The following LDB2 variants were observed in gnomAD, a reference collection of about 807,000 sequenced individuals.
The protein encoded by LDB2 is LIM domain-binding protein 2.
A neutral mutation model predicts 44.3 loss-of-function variants in LDB2; 12 were observed. The observed-to-expected ratio is 0.27, with a 90% CI of 0.17 to 0.44. The LOEUF is 0.44. Among genes scored for constraint, LDB2 ranks in the 20% least tolerant of loss-of-function variants. The pLI, the probability that LDB2 is intolerant of heterozygous loss-of-function variation, is 1.00. For synonymous variants in LDB2, 164 were observed against 174.8 expected, an observed-to-expected ratio of 0.94 and a Z score of 0.49; for missense variants, 344 against 473.5, an observed-to-expected ratio of 0.73 and a Z score of 2.54.
chr4:16,660,351 A>G (rs970280753), intron 2 of LDB2, among the ~76,000 whole-genome samples: 3 of 152,206 alleles, frequency 2.0e-5, no homozygotes, highest in Admixed American at 6.5e-5. Flanking sequence ...AGGCTCACTG[A>G]AACTCAATGT....
intron 5 of LDB2, among the ~76,000 whole-genome samples, chr4:16,554,542 G>A (rs534448503): frequency 1.4e-4 from 21 of 152,088 alleles, no homozygotes; most frequent in Non-Finnish European, 2.9e-4. Context: ...AATCACCTGG[G>A]AAGCTTTAAA....
At chr4:16,677,064 T>C (rs1746534250) in intron 2 of LDB2, among the ~76,000 whole-genome samples, 1 of 152,158 alleles carries the variant, frequency 6.6e-6, no homozygotes, top group South Asian at 2.1e-4. Flanking sequence ...TTCCCTTAAG[T>C]GGGGAGAGGA....
chr4:16,672,110 G>A (rs979577836), intron 2 of LDB2, among the ~76,000 whole-genome samples: 58 of 152,092 alleles, frequency 3.8e-4, no homozygotes, highest in Non-Finnish European at 2.9e-4. Flanking sequence ...CCTTAAAGAT[G>A]TTTCCTCATT....
chr4:16,677,211 G>T (rs1746572491), intron 2 of LDB2, among the ~76,000 whole-genome samples: 1 of 152,192 alleles, frequency 6.6e-6, no homozygotes, highest in Non-Finnish European at 1.5e-5. Flanking sequence ...ATGGATAACA[G>T]AAGGATGAAC....
chr4:16,772,196 C>G (rs902550321), intron 1 of LDB2, among the ~76,000 whole-genome samples: 2 of 152,184 alleles, frequency 1.3e-5, no homozygotes, highest in Non-Finnish European at 2.9e-5. Flanking sequence ...TTTGGGTCAT[C>G]CAATCTACAG....
At chr4:16,731,133 G>A (rs6813028) in intron 2 of LDB2, among the ~76,000 whole-genome samples, 3,223 of 152,210 alleles carry the variant, frequency 0.021, 107 homozygotes, top group African/African-American at 0.074. Flanking sequence ...AGAAGGAGTC[G>A]ATGACAATGG....
intron 2 of LDB2, among the ~76,000 whole-genome samples, chr4:16,723,841 AG>A (rs1561001871): frequency 2.6e-5 from 4 of 152,084 alleles, no homozygotes; most frequent in South Asian, 4.1e-4. Context: ...ACTGACCTAC[AG>A]TAAGAATCAA....
At chr4:16,728,000 G>A (rs184778378) in intron 2 of LDB2, among the ~76,000 whole-genome samples, 2 of 152,112 alleles carry the variant, frequency 1.3e-5, no homozygotes, top group African/African-American at 2.4e-5. Context: ...AAGGTTTTCC[G>A]ACTCATCTTA....
intron 2 of LDB2, among the ~76,000 whole-genome samples, chr4:16,641,298 C>A (rs1210221214): frequency 6.6e-6 from 1 of 152,010 alleles, no homozygotes; most frequent in African/African-American, 2.4e-5. Flanking sequence ...AGGAAATGAA[C>A]CTATGTGGAA....
chr4:16,556,354 T>G, intron 5 of LDB2, among the ~76,000 whole-genome samples: 1 of 152,224 alleles, frequency 6.6e-6, no homozygotes, highest in East Asian at 1.9e-4. Flanking sequence ...TAGTAAGTAC[T>G]CAATTATTTC....
In LDB2 at chr4:16,840,273, G is replaced by C. The variant is rs111477030; in HGVS notation, c.132+58081C>G. Among the ~76,000 whole-genome samples, 1,119 of 152,318 alleles carry C rather than the reference G, an allele frequency of 7.3e-3. 15 individuals are homozygous for C. Among genetic ancestry groups the C allele is most frequent in the African/African-American group, 0.026 (1,063 of 41,566 alleles). ...TGACACTCATGTTTAGAGAAGTTCA[G>C]ATGAAAATGACTTTGAGTGACAAAT... On this transcript the variant is annotated intron_variant, in intron 1 of 7. Coordinates refer to ENST00000304523, the MANE Select transcript of LDB2 (RefSeq NM_001290.5).
intron 5 of LDB2, among the ~76,000 whole-genome samples, chr4:16,536,125 C>T (rs1416599940): frequency 2.0e-5 from 3 of 152,156 alleles, no homozygotes; most frequent in African/African-American, 7.2e-5. Context: ...ACAGGATGGT[C>T]GGCCCTCTCC....
Position 16,511,963 on chromosome 4 carries a change from T to TGAA in LDB2, c.739+15_739+17dup, listed in dbSNP as rs1256675045. 1.2e-6 allele frequency: 2 copies of TGAA among 1,605,904 alleles called. No individual in the cohort carries two copies. The highest frequency in any genetic ancestry group is 4.5e-5 in the East Asian group (2 of 44,736). The stretch of plus-strand genomic sequence containing the variant: ...TCTGAAAACGTGTTTAGAGAGAGAG[T>TGAA]GAAGAATGAGGGTGTACCTGGCGGA... On this transcript the variant is annotated intron_variant, in intron 6 of 7. Transcript: ENST00000304523.
intron 2 of LDB2, among the ~76,000 whole-genome samples, chr4:16,608,656 G>C (rs570276778): frequency 6.6e-6 from 1 of 152,162 alleles, no homozygotes; most frequent in Non-Finnish European, 1.5e-5. Flanking sequence ...CATAACAAGC[G>C]CACCGGACTT....
intron 2 of LDB2, among the ~76,000 whole-genome samples, chr4:16,644,788 T>C (rs1162364443): frequency 6.6e-6 from 1 of 152,154 alleles, no homozygotes; most frequent in African/African-American, 2.4e-5. Flanking sequence ...AATTTCACAT[T>C]TTAGCTTCCA....
intron 2 of LDB2, among the ~76,000 whole-genome samples, chr4:16,661,064 C>A (rs1257864592): frequency 6.6e-6 from 1 of 152,158 alleles, no homozygotes; most frequent in African/African-American, 2.4e-5. Flanking sequence ...TCTTTCCAAT[C>A]GTTTTTCTAA....
intron 1 of LDB2, among the ~76,000 whole-genome samples, chr4:16,821,412 C>A (rs923798713): frequency 2.8e-5 from 4 of 145,044 alleles, no homozygotes; most frequent in Non-Finnish European, 6.0e-5. Flanking sequence ...GAGACGGAGT[C>A]TCGCTCTGTC....
At chr4:16,819,683 G>A (rs961945616) in intron 1 of LDB2, among the ~76,000 whole-genome samples, 2 of 152,006 alleles carry the variant, frequency 1.3e-5, no homozygotes, top group Non-Finnish European at 2.9e-5. Flanking sequence ...TAAAACACAA[G>A]TGTGAGCAAT....
chr4:16,792,623 G>A (rs1253150270), intron 1 of LDB2, among the ~76,000 whole-genome samples: 5 of 152,170 alleles, frequency 3.3e-5, no homozygotes, highest in Non-Finnish European at 7.3e-5. Flanking sequence ...TCATGGTTAT[G>A]GGGAGAGCAA....
Sources: allele counts gnomAD v4.1 joint callset (sites outside exome capture counted in the v4.1 genomes callset), GRCh38; gene constraint gnomAD v4.1.1; transcripts MANE v1.5; gene names NCBI Gene and HGNC (gene_info 2026-07-23, HGNC 2026-07-21).